The following SHANK2 variants were observed in gnomAD, a reference collection of about 807,000 sequenced individuals.
The protein encoded by SHANK2 is SH3 and multiple ankyrin repeat domains protein 2.
A neutral mutation model predicts 133.7 loss-of-function variants in SHANK2; 43 were observed. The observed-to-expected ratio is 0.32, with a 90% confidence interval of 0.25 to 0.41. The LOEUF is 0.41. SHANK2 is among the 10% of genes least tolerant of loss of function. SHANK2 has a pLI of 1.00. For synonymous variants in SHANK2, 1,017 were observed against 952.8 expected, an observed-to-expected ratio of 1.07 and a Z score of -1.24; for missense variants, 1,994 against 2,235.8, an observed-to-expected ratio of 0.89 and a Z score of 2.18.
At chr11:70,788,590 C>T (rs1354568636) in intron 14 of SHANK2, among the ~76,000 whole-genome samples, 3 of 152,098 alleles carry the variant, frequency 2.0e-5, no homozygotes, top group Non-Finnish European at 2.9e-5. Flanking sequence ...CAGGGTTCAG[C>T]GCTGTCCCCC....
At chr11:71,196,074 T>A (rs1953896772) in intron 2 of SHANK2, among the ~76,000 whole-genome samples, 1 of 152,034 alleles carries the variant, frequency 6.6e-6, no homozygotes, top group Non-Finnish European at 1.5e-5. Context: ...TCACAGCTAC[T>A]TGGGAGTCTG....
Position 70,627,011 on chromosome 11 carries a change from C to T in SHANK2, c.2061+32817G>A, listed in dbSNP as rs558413135. On this transcript the variant is annotated intron_variant, in intron 17 of 25. Transcript: ENST00000601538. Reference sequence around the variant, plus strand: ...CGGGAGGCCCTTTGGTTGGCTTTGGCGCAGCCGTGAAGGTCAGATGGGAGC... The same window carrying T: ...CGGGAGGCCCTTTGGTTGGCTTTGGTGCAGCCGTGAAGGTCAGATGGGAGC... Among the ~76,000 whole-genome samples, 121 of 152,186 alleles carry T rather than the reference C, an allele frequency of 8.0e-4. 1 individual carries two copies. In the South Asian group the frequency reaches 0.013, roughly 16 times the overall value.
rs574099478 is a variant in SHANK2 at position 70,736,956 on chromosome 11, C to T, written c.1778-38193G>A. On this transcript the variant is annotated intron_variant, in intron 14 of 25. Coordinates refer to ENST00000601538, the MANE Select transcript of SHANK2 (RefSeq NM_012309.5). Reference sequence around the variant, plus strand: ...TTGCGAGAACCTGGGGGTTCTGAAACGTGGCCTCTAGAATCCCAGTTTCTG... The same window carrying T: ...TTGCGAGAACCTGGGGGTTCTGAAATGTGGCCTCTAGAATCCCAGTTTCTG... Among the ~76,000 whole-genome samples, 22 of 152,296 alleles carry T rather than the reference C, an allele frequency of 1.4e-4. No individual in the cohort carries two copies. The East Asian group carries it at 2.3e-3, about 16-fold the overall frequency.
At chr11:70,783,950 C>T (rs1168795528) in intron 14 of SHANK2, among the ~76,000 whole-genome samples, 2 of 152,172 alleles carry the variant, frequency 1.3e-5, no homozygotes, top group African/African-American at 2.4e-5. Flanking sequence ...TGGGCACCCA[C>T]TGTGTGAGCC....
At chr11:70,664,064 T>C (rs113225019) in intron 15 of SHANK2, among the ~76,000 whole-genome samples, 14,630 of 152,114 alleles carry the variant, frequency 0.096, 843 homozygotes, top group African/African-American at 0.14. Flanking sequence ...GCCTGGTAGG[T>C]GGCCAGGACT....
intron 14 of SHANK2, among the ~76,000 whole-genome samples, chr11:70,704,215 C>G (rs1591766600): frequency 6.6e-6 from 1 of 152,260 alleles, no homozygotes; most frequent in African/African-American, 2.4e-5. Context: ...ACAGCCATGC[C>G]TGGCTTCTCA....
At chr11:70,693,272 C>T (rs1945327344) in intron 15 of SHANK2, among the ~76,000 whole-genome samples, 1 of 152,226 alleles carries the variant, frequency 6.6e-6, no homozygotes. Flanking sequence ...CCAATGCCTC[C>T]ACTGCAAGTG....
chr11:71,194,005 G>T (rs1474996582), intron 2 of SHANK2, among the ~76,000 whole-genome samples: 1 of 152,184 alleles, frequency 6.6e-6, no homozygotes, highest in Non-Finnish European at 1.5e-5. Context: ...AATTTGCGGG[G>T]ACACAGTTCA....
In SHANK2 at chr11:70,739,768, C is replaced by T. The variant is rs550118794; in HGVS notation, c.1778-41005G>A. 3.9e-5 allele frequency among the ~76,000 whole-genome samples: 6 copies of T among 152,318 alleles called. No homozygotes were observed. The East Asian group carries it at 7.7e-4, about 20-fold the overall frequency. ...CTTTAAAGAGGTGATTAAGTTAAAA[C>T]GAGGTACTGTGATGGGCCCTCATCC... On this transcript the variant is annotated intron_variant, in intron 14 of 25. Coordinates refer to ENST00000601538, the MANE Select transcript of SHANK2 (RefSeq NM_012309.5). This position sits in a 1 kb window ranked among gnomAD's most constrained non-coding sequence, Gnocchi z 4.3.
At chr11:70,789,329 G>A (rs1251969273) in intron 14 of SHANK2, among the ~76,000 whole-genome samples, 1 of 152,124 alleles carries the variant, frequency 6.6e-6, no homozygotes, top group African/African-American at 2.4e-5. Context: ...TCTGTTTCCT[G>A]GTCAGAGCTC....
intron 9 of SHANK2, among the ~76,000 whole-genome samples, chr11:71,067,777 A>G (rs1951085868): frequency 6.6e-6 from 1 of 151,986 alleles, no homozygotes; most frequent in South Asian, 2.1e-4. Flanking sequence ...CATCACTGCC[A>G]TCATCACCAC....
At chr11:71,142,067 C>A (rs1258826516) in intron 3 of SHANK2, among the ~76,000 whole-genome samples, 6 of 151,866 alleles carry the variant, frequency 4.0e-5, no homozygotes, top group South Asian at 2.1e-4. Context: ...ACCAAACAAA[C>A]AACTCAAGAG....
chr11:70,681,618 G>C (rs1340633675), intron 15 of SHANK2, among the ~76,000 whole-genome samples: 3 of 152,120 alleles, frequency 2.0e-5, no homozygotes, highest in Non-Finnish European at 2.9e-5. Flanking sequence ...CAGGGGAGAG[G>C]CCAGCTCATT....
intron 2 of SHANK2, among the ~76,000 whole-genome samples, chr11:71,218,882 T>A (rs1281877706): frequency 6.6e-6 from 1 of 152,218 alleles, no homozygotes; most frequent in Non-Finnish European, 1.5e-5. Context: ...TGTGCCTGAA[T>A]GCCTCCCTCT....
At chr11:70,879,644 T>C (rs1231060465) in intron 11 of SHANK2, among the ~76,000 whole-genome samples, 1 of 152,270 alleles carries the variant, frequency 6.6e-6, no homozygotes, top group African/African-American at 2.4e-5. Context: ...TCTGTGACTA[T>C]TTCCTGACTC....
intron 14 of SHANK2, among the ~76,000 whole-genome samples, chr11:70,711,450 G>A (rs971822305): frequency 3.3e-5 from 5 of 152,264 alleles, no homozygotes; most frequent in Admixed American, 2.6e-4. Context: ...AATTACTGAT[G>A]GGGATGAAAG....
At chr11:71,229,608 C>G (rs868917787) in intron 1 of SHANK2, among the ~76,000 whole-genome samples, 2 of 151,194 alleles carry the variant, frequency 1.3e-5, no homozygotes, top group African/African-American at 2.4e-5. Flanking sequence ...GTCTCTATTA[C>G]AAATACAAAA....
At chr11:70,602,173 C>A (rs1251496465) in intron 17 of SHANK2, among the ~76,000 whole-genome samples, 1 of 152,184 alleles carries the variant, frequency 6.6e-6, no homozygotes, top group Non-Finnish European at 1.5e-5. Context: ...CCCATTTCAC[C>A]TTCCACCATG....
intron 8 of SHANK2, among the ~76,000 whole-genome samples, chr11:71,076,693 T>G (rs1415988066): frequency 6.6e-6 from 1 of 152,170 alleles, no homozygotes; most frequent in African/African-American, 2.4e-5. Context: ...CCACCTGCGT[T>G]TGCCTTTGGG....
Sources: allele counts gnomAD v4.1 joint callset (sites outside exome capture counted in the v4.1 genomes callset), GRCh38; gene constraint gnomAD v4.1.1; non-coding constraint Gnocchi (gnomAD v3.1); transcripts MANE v1.5; gene names NCBI Gene and HGNC (gene_info 2026-07-23, HGNC 2026-07-21).